Variants in NTM observed in about 807,000 individuals in gnomAD.
NTM encodes the protein IgLON family member 2.
NTM carries 13 observed loss-of-function variants against 42.1 expected under a neutral mutation model. That is an observed-to-expected ratio of 0.31 (90% CI 0.20 to 0.49). The LOEUF (loss-of-function observed/expected upper bound fraction) is 0.49. NTM is among the 20% of genes least tolerant of loss of function. The pLI is 0.99. For missense variants in NTM, 373 were observed against 452.8 expected, an observed-to-expected ratio of 0.82 and a Z score of 1.60; for synonymous variants, 187 against 179.2, an observed-to-expected ratio of 1.04 and a Z score of -0.35.
chr11:131,676,859 C>T (rs1309461915), intron 1 of NTM, among the ~76,000 whole-genome samples: 1 of 152,248 alleles, frequency 6.6e-6, no homozygotes, highest in African/African-American at 2.4e-5. Flanking sequence ...ACTTCAGCCT[C>T]TGGAGTAGTC....
At chr11:131,593,798 A>C (rs190050014) in intron 1 of NTM, among the ~76,000 whole-genome samples, 2 of 152,218 alleles carry the variant, frequency 1.3e-5, no homozygotes, top group Non-Finnish European at 2.9e-5. Context: ...GTCTCTGGAC[A>C]TATCAGTTTC....
At chr11:132,119,221 AAGG>A (rs1280998019) in intron 2 of NTM, among the ~76,000 whole-genome samples, 1 of 152,204 alleles carries the variant, frequency 6.6e-6, no homozygotes, top group Non-Finnish European at 1.5e-5. Context: ...CTGGATTTGT[AAGG>A]AGAAGGTGCT....
intron 3 of NTM, among the ~76,000 whole-genome samples, chr11:132,166,385 A>G (rs1279128948): frequency 6.6e-6 from 1 of 152,092 alleles, no homozygotes; most frequent in African/African-American, 2.4e-5. Flanking sequence ...GTATGAATTA[A>G]CCACAACACT....
At chr11:132,317,115 G>A (rs911633791) in intron 7 of NTM, among the ~76,000 whole-genome samples, 1 of 152,144 alleles carries the variant, frequency 6.6e-6, no homozygotes, top group Non-Finnish European at 1.5e-5. Context: ...AGCCAAACGG[G>A]AGCAGGTTAG....
intron 7 of NTM, among the ~76,000 whole-genome samples, chr11:132,320,655 G>C (rs548515107): frequency 3.1e-4 from 47 of 152,262 alleles, no homozygotes; most frequent in African/African-American, 1.1e-3. Context: ...CAGAAAGCTC[G>C]AACTGGGTGG....
intron 1 of NTM, among the ~76,000 whole-genome samples, chr11:131,742,720 T>C (rs1341301137): frequency 6.6e-6 from 1 of 152,164 alleles, no homozygotes; most frequent in African/African-American, 2.4e-5. Flanking sequence ...ATTTTCTTAT[T>C]AAATAACCAA....
chr11:131,518,147 G>A (rs1030772717), intron 1 of NTM, among the ~76,000 whole-genome samples: 1 of 152,202 alleles, frequency 6.6e-6, no homozygotes, highest in Non-Finnish European at 1.5e-5. Context: ...GGGAAGCCAA[G>A]GTGATGAAGA....
At chr11:132,299,720 C>CAACA (rs2094769913) in intron 4 of NTM, among the ~76,000 whole-genome samples, 1 of 152,198 alleles carries the variant, frequency 6.6e-6, no homozygotes, top group Non-Finnish European at 1.5e-5. Context: ...TTGTTATCAA[C>CAACA]TGTGTGAGGT....
intron 3 of NTM, among the ~76,000 whole-genome samples, chr11:132,183,547 G>C (rs7933362): frequency 0.67 from 102,156 of 151,696 alleles, 34,696 homozygotes; most frequent in Middle Eastern, 0.78. Context: ...AGACAAAGAG[G>C]CAAAGGACTG....
At chr11:131,653,115 T>C (rs2066722440) in intron 1 of NTM, among the ~76,000 whole-genome samples, 1 of 152,200 alleles carries the variant, frequency 6.6e-6, no homozygotes, top group South Asian at 2.1e-4. Flanking sequence ...CCCATGGGTG[T>C]GCCCTGTGTG....
At chr11:132,322,308 G>A (rs1329094976) in intron 7 of NTM, among the ~76,000 whole-genome samples, 4 of 151,596 alleles carry the variant, frequency 2.6e-5, no homozygotes, top group African/African-American at 9.7e-5. Flanking sequence ...GACACACATA[G>A]GCTCAAAATA....
chr11:131,927,201 C>T, intron 2 of NTM, among the ~76,000 whole-genome samples: 1 of 152,148 alleles, frequency 6.6e-6, no homozygotes, highest in East Asian at 1.9e-4. Context: ...TGGATTATCT[C>T]CATTTGTGGC....
intron 1 of NTM, among the ~76,000 whole-genome samples, chr11:131,644,891 T>C (rs80228102): frequency 0.03 from 4,519 of 152,198 alleles, 246 homozygotes; most frequent in African/African-American, 0.1. Context: ...ATAATGGGAA[T>C]TAGAACCTCT....
At chr11:132,071,408 T>C (rs1795939089) in intron 2 of NTM, among the ~76,000 whole-genome samples, 3 of 152,110 alleles carry the variant, frequency 2.0e-5, no homozygotes, top group Non-Finnish European at 2.9e-5. Context: ...CACAGCCAAG[T>C]TAACACGTCA....
intron 1 of NTM, among the ~76,000 whole-genome samples, chr11:131,480,696 G>C (rs1035558534): frequency 6.6e-6 from 1 of 152,114 alleles, no homozygotes; most frequent in Non-Finnish European, 1.5e-5. Flanking sequence ...AAGTCAGAAA[G>C]GGCATCTAGC....
Position 132,336,361 on chromosome 11 carries a change from C to CAGAG in NTM, c.*1217_*1220dup, listed in dbSNP as rs2095871912. The CAGAG allele has an allele frequency of 6.7e-6, 1 of 149,970 alleles. No homozygotes were observed. The highest frequency in any genetic ancestry group is 2.5e-5 in the African/African-American group (1 of 40,644). The allele number at this position is 149,970 out of a possible 1,614,324, so 9.3% of individuals were successfully genotyped here. On this transcript the variant is annotated 3_prime_UTR_variant, in exon 9 of 9. Transcript: ENST00000683400. Reference sequence around the variant, plus strand: ...TTATTTTCTTGGGTTATTTACATGTCAGAGACATTTATAAAAAGTGAAAGG... The same window carrying CAGAG: ...TTATTTTCTTGGGTTATTTACATGTCAGAGAGAGACATTTATAAAAAGTGAAAGG...
At chr11:132,074,295 T>C (rs1199796805) in intron 2 of NTM, among the ~76,000 whole-genome samples, 1 of 152,134 alleles carries the variant, frequency 6.6e-6, no homozygotes, top group African/African-American at 2.4e-5. Flanking sequence ...TTTCTCAGGG[T>C]CCATCACCAT....
chr11:131,846,970 G>C (rs999922578), intron 1 of NTM, among the ~76,000 whole-genome samples: 6 of 152,222 alleles, frequency 3.9e-5, no homozygotes, highest in Non-Finnish European at 8.8e-5. Flanking sequence ...CCTGCAGTGA[G>C]AAAGGTCTAG....
intron 2 of NTM, among the ~76,000 whole-genome samples, chr11:132,051,598 C>T (rs762594258): frequency 6.6e-6 from 1 of 152,128 alleles, no homozygotes; most frequent in African/African-American, 2.4e-5. Context: ...ACTGCCTGGA[C>T]CAGCAGCCCC....
Sources: allele counts gnomAD v4.1 joint callset (sites outside exome capture counted in the v4.1 genomes callset), GRCh38; gene constraint gnomAD v4.1.1; transcripts MANE v1.5; gene names NCBI Gene and HGNC (gene_info 2026-07-23, HGNC 2026-07-21).